Variants in CSMD1 observed in about 807,000 individuals in gnomAD.
CSMD1 encodes CUB and Sushi multiple domains 1.
CSMD1 carries 213 observed loss-of-function variants against 417.5 expected under a neutral mutation model. That is an observed-to-expected ratio of 0.51 (90% CI 0.46 to 0.57). The LOEUF (loss-of-function observed/expected upper bound fraction) is 0.57. Among genes scored for constraint, CSMD1 ranks in the 20% least tolerant of loss-of-function variants. The pLI is 0.00. For missense variants in CSMD1, 6,923 were observed against 4,529.7 expected (o/e 1.53, Z -15.17); for synonymous variants, 2,862 against 1,736.8 (o/e 1.65, Z -16.11).
chr8:4,650,347 G>GA (rs61642390), intron 1 of CSMD1, among the ~76,000 whole-genome samples: 3,798 of 78,224 alleles, frequency 0.049, 242 homozygotes, highest in East Asian at 0.13. Context: ...TCCGTCTCAA[G>GA]AAAAAAAAAA....
At position 3,928,500 on chromosome 8, in the gene CSMD1, G is replaced by A. The variant is rs1009629364; in HGVS notation, c.818+69403C>T. Among the ~76,000 whole-genome samples, 5 of 135,738 alleles carry A rather than the reference G, an allele frequency of 3.7e-5. 1 individual carries two copies. The highest frequency in any genetic ancestry group is 8.3e-5 in the African/African-American group (3 of 36,272). 89.0% of individuals were successfully genotyped at this position (135,738 alleles called of 152,430 possible). A position where few individuals can be genotyped will look rare whatever the true frequency, so the allele number is the denominator to read the frequency against. On this transcript the variant is annotated intron_variant, in intron 5 of 69. Transcript: ENST00000635120. ...TAAAAATGCAGTTAAGTGGAACAGG[G>A]GGCACTGCCCAGCTGCATTCACAGG...
chr8:3,182,509 C>G (rs1411115587), intron 36 of CSMD1, among the ~76,000 whole-genome samples: 1 of 151,898 alleles, frequency 6.6e-6, no homozygotes, highest in Non-Finnish European at 1.5e-5. Flanking sequence ...GCCACTGCAC[C>G]CGGCCCCCAA....
Position 3,998,078 on chromosome 8 carries a change from T to G in CSMD1, c.643A>C (p.Thr215Pro). The G allele has an allele frequency of 6.3e-7, 1 of 1,586,048 alleles. No individual in the cohort carries two copies. Among genetic ancestry groups the G allele is most frequent in the Non-Finnish European group, 8.6e-7 (1 of 1,165,342 alleles). ...TGCGGGCTGGAGATGGAGCTGCTGG[T>G]CCCGCGTAAGGTTCCTCCGCAGGCT... Reference protein sequence around the residue: ...EGACGGTLRGTSSSISSPHFP... With the variant: ...EGACGGTLRGPSSSISSPHFP... Residue 215 changes from threonine to proline, a missense_variant, in exon 5 of 70, where the codon ACC becomes CCC. Physicochemically the swap from Thr to Pro is conservative, Grantham distance 38. Transcript: ENST00000635120.
chr8:3,786,898 C>G (rs1175578857), intron 5 of CSMD1, among the ~76,000 whole-genome samples: 1 of 152,110 alleles, frequency 6.6e-6, no homozygotes, highest in Non-Finnish European at 1.5e-5. Context: ...AGCCCCACCT[C>G]CTAATACTAG....
chr8:4,121,249 G>A (rs1406329843), intron 3 of CSMD1, among the ~76,000 whole-genome samples: 1 of 151,932 alleles, frequency 6.6e-6, no homozygotes, highest in East Asian at 1.9e-4. Context: ...CAGCTATCTG[G>A]GATTACAGGC....
At chr8:4,548,357 T>C (rs1416583367) in intron 2 of CSMD1, among the ~76,000 whole-genome samples, 1 of 152,170 alleles carries the variant, frequency 6.6e-6, no homozygotes, top group Admixed American at 6.5e-5. Flanking sequence ...TACTCTATCG[T>C]ATTTTGTCGT....
intron 3 of CSMD1, among the ~76,000 whole-genome samples, chr8:4,221,779 A>T (rs1047666028): frequency 6.6e-6 from 1 of 152,172 alleles, no homozygotes; most frequent in African/African-American, 2.4e-5. Flanking sequence ...AAGAAAATAT[A>T]CATTCTGAAA....
At position 3,248,553 on chromosome 8, in the gene CSMD1, G is replaced by A. The variant is rs1032314398; in HGVS notation, c.4154-18322C>T. Among the ~76,000 whole-genome samples, 3 of 60,034 alleles carry A rather than the reference G, an allele frequency of 5.0e-5. No individual in the cohort carries two copies. In the Admixed American group the frequency reaches 7.7e-4, roughly 15 times the overall value. The allele number at this position is 60,034 out of a possible 152,430, so 39.4% of individuals were successfully genotyped here. A position where few individuals can be genotyped will look rare whatever the true frequency, so the allele number is the denominator to read the frequency against. ...TTTTTTTTTTTTTTTTTTTTGAGAC[G>A]TAGTCTCGCTCTGTCGCCCAGCCTG... On this transcript the variant is annotated intron_variant, in intron 26 of 69. Transcript: ENST00000635120.
intron 54 of CSMD1, among the ~76,000 whole-genome samples, chr8:2,993,123 A>G (rs1365120653): frequency 6.6e-6 from 1 of 152,238 alleles, no homozygotes; most frequent in Non-Finnish European, 1.5e-5. Flanking sequence ...TGAATCCCAA[A>G]GCAGATTTTT....
intron 23 of CSMD1, among the ~76,000 whole-genome samples, chr8:3,319,311 C>A (rs1330260769): frequency 1.3e-5 from 2 of 152,116 alleles, no homozygotes; most frequent in Non-Finnish European, 2.9e-5. Flanking sequence ...GGATTAGAAC[C>A]ACTGCAGAGT....
intron 3 of CSMD1, among the ~76,000 whole-genome samples, chr8:4,160,429 C>T (rs529844634): frequency 1.1e-4 from 16 of 152,182 alleles, no homozygotes; most frequent in Non-Finnish European, 1.9e-4. Flanking sequence ...TGAAATAGTC[C>T]AGAATAAAGA....
At chr8:3,570,110 A>T (rs957674774) in intron 10 of CSMD1, among the ~76,000 whole-genome samples, 1 of 152,220 alleles carries the variant, frequency 6.6e-6, no homozygotes, top group East Asian at 1.9e-4. Context: ...TGGTCATTTT[A>T]TGTTTTGGAC....
At chr8:3,352,917 C>T (rs1482024506) in intron 21 of CSMD1, among the ~76,000 whole-genome samples, 1 of 151,982 alleles carries the variant, frequency 6.6e-6, no homozygotes, top group South Asian at 2.1e-4. Flanking sequence ...ACAAAAAACA[C>T]AAAAACACAT....
chr8:4,916,472 C>G lies in CSMD1; in HGVS notation c.85+77860G>C, dbSNP rs189315163. On this transcript the variant is annotated intron_variant, in intron 1 of 69. Coordinates refer to ENST00000635120, the MANE Select transcript of CSMD1 (RefSeq NM_033225.6). ...GTTTGTCAGGGAAGATGGTTTTGTT[C>G]AACTTGCAATGTATGTTTTCTTTCT... Among the ~76,000 whole-genome samples, 164 of 152,284 alleles carry G rather than the reference C, an allele frequency of 1.1e-3. 2 individuals carry two copies. The East Asian group carries it at 0.011, about 11-fold the overall frequency.
At chr8:4,358,414 T>G (rs188979694) in intron 3 of CSMD1, among the ~76,000 whole-genome samples, 1 of 150,836 alleles carries the variant, frequency 6.6e-6, no homozygotes, top group Non-Finnish European at 1.5e-5. Flanking sequence ...CACGTGAAAA[T>G]ATATGAAATT....
intron 2 of CSMD1, among the ~76,000 whole-genome samples, chr8:4,518,447 C>G: frequency 1.3e-5 from 2 of 152,092 alleles, no homozygotes; most frequent in Middle Eastern, 6.8e-3. Flanking sequence ...AAGACATAAA[C>G]GTGATATCCT....
At position 2,941,163 on chromosome 8, in the gene CSMD1, A is replaced by C. The variant is rs1801847275; in HGVS notation, c.10535+1309T>G. On this transcript the variant is annotated intron_variant, in intron 69 of 69. Transcript: ENST00000635120. ...TTTAATTTTCTAAATATCATCTGAA[A>C]TGTTTTTCATTGAGTCATATTCTTA... Among the ~76,000 whole-genome samples the C allele has an allele frequency of 2.0e-5, 3 of 152,214 alleles. No homozygotes were observed. In the South Asian group the frequency reaches 6.2e-4, roughly 31 times the overall value.
chr8:4,682,882 T>A (rs1183482245), intron 1 of CSMD1, among the ~76,000 whole-genome samples: 1 of 148,928 alleles, frequency 6.7e-6, no homozygotes, highest in Non-Finnish European at 1.5e-5. Context: ...ACATATTTTC[T>A]TAATATTTTA....
intron 3 of CSMD1, among the ~76,000 whole-genome samples, chr8:4,183,568 A>C (rs186103690): frequency 6.6e-6 from 1 of 152,318 alleles, no homozygotes; most frequent in East Asian, 1.9e-4. Flanking sequence ...CATTCCTTTA[A>C]AATTTGAACT....
Sources: gnomAD v4.1 joint callset for allele counts (sites outside exome capture counted in the v4.1 genomes callset) on GRCh38, gnomAD v4.1.1 for gene constraint, MANE v1.5 for transcripts, NCBI Gene and HGNC (gene_info 2026-07-23, HGNC 2026-07-21) for gene names.